The following FANCC variants were observed in gnomAD, a reference collection of about 807,000 sequenced individuals.
The protein encoded by FANCC is FA complementation group C.
A neutral mutation model predicts 71.3 loss-of-function variants in FANCC; 55 were observed. The observed-to-expected ratio is 0.77, with a 90% CI of 0.62 to 0.97. The LOEUF (loss-of-function observed/expected upper bound fraction) is 0.97. FANCC is among the 50% of genes least tolerant of loss of function. FANCC has a pLI of 0.00. For missense variants in FANCC, 678 were observed against 670.9 expected, an observed-to-expected ratio of 1.01 and a Z score of -0.12; for synonymous variants, 275 against 244.9, an observed-to-expected ratio of 1.12 and a Z score of -1.15.
At chr9:95,217,344 G>T (rs185562121) in intron 4 of FANCC, among the ~76,000 whole-genome samples, 8 of 151,962 alleles carry the variant, frequency 5.3e-5, no homozygotes, top group Non-Finnish European at 1.0e-4. Context: ...CATTAGCCGG[G>T]TGTGGTGGTG....
At chr9:95,145,262 G>A (rs1294831199) in intron 7 of FANCC, 1 of 152,162 alleles carries the variant, frequency 6.6e-6, no homozygotes, top group Non-Finnish European at 1.5e-5. Flanking sequence ...AGATGGAGGA[G>A]AAGATCCATT....
chr9:95,177,134 G>A (rs1357911069), intron 4 of FANCC, among the ~76,000 whole-genome samples: 2 of 152,188 alleles, frequency 1.3e-5, no homozygotes, highest in Admixed American at 1.3e-4. Flanking sequence ...ATCACAGAGT[G>A]TACTTACATG....
chr9:95,226,263 C>T (rs1197870641), intron 4 of FANCC, among the ~76,000 whole-genome samples: 3 of 152,194 alleles, frequency 2.0e-5, no homozygotes, highest in African/African-American at 7.2e-5. Context: ...GAAAAATACA[C>T]TTACAAAAGT....
intron 4 of FANCC, among the ~76,000 whole-genome samples, chr9:95,184,359 A>G (rs964324913): frequency 3.3e-5 from 5 of 152,104 alleles, no homozygotes; most frequent in African/African-American, 1.2e-4. Context: ...TTAAATTATC[A>G]CTTCCCCCTG....
At chr9:95,110,743 A>T in intron 13 of FANCC, 1 of 1,097,386 alleles carries the variant, frequency 9.1e-7, no homozygotes, top group Non-Finnish European at 1.1e-6. Flanking sequence ...ATCAGCATAG[A>T]GCACTGGCAG....
At chr9:95,233,672 C>T (rs1830138657) in intron 4 of FANCC, among the ~76,000 whole-genome samples, 1 of 152,074 alleles carries the variant, frequency 6.6e-6, no homozygotes, top group Admixed American at 6.5e-5. Context: ...TGAAGAGAAG[C>T]TGCATATACC....
chr9:95,251,504 C>T (rs1358161198), intron 1 of FANCC, among the ~76,000 whole-genome samples: 3 of 151,910 alleles, frequency 2.0e-5, no homozygotes, highest in Admixed American at 6.6e-5. Flanking sequence ...TTAGTAGAGA[C>T]GGGGTCTCAC....
At chr9:95,273,279 T>A (rs1278965705) in intron 1 of FANCC, among the ~76,000 whole-genome samples, 1 of 152,168 alleles carries the variant, frequency 6.6e-6, no homozygotes, top group East Asian at 1.9e-4. Flanking sequence ...CAACCTTGGT[T>A]TTCTATCTTT....
In FANCC at chr9:95,099,496, G is replaced by A. The variant is rs998480512; in HGVS notation, c.*2211C>T. ...CGGTGGCACCTGCCCAGGCTTTGCCGAAATCGAAGGCAACAAGAGGGGGAG... is the reference window on the plus strand; with the variant it reads ...CGGTGGCACCTGCCCAGGCTTTGCCAAAATCGAAGGCAACAAGAGGGGGAG... On this transcript the variant is annotated 3_prime_UTR_variant, in exon 15 of 15. Transcript: ENST00000289081. The A allele has an allele frequency of 9.2e-5, 21 of 228,214 alleles. 1 individual carries two copies. Among genetic ancestry groups the A allele is most frequent in the Admixed American group, 9.2e-4 (16 of 17,436 alleles). The allele number at this position is 228,214 out of a possible 1,614,324, so 14.1% of individuals were successfully genotyped here.
At chr9:95,160,478 T>C (rs990078141) in intron 6 of FANCC, among the ~76,000 whole-genome samples, 4 of 152,206 alleles carry the variant, frequency 2.6e-5, no homozygotes, top group African/African-American at 9.7e-5. Context: ...TCCAGCTTTG[T>C]TCTTTTTGCT....
At chr9:95,188,797 G>A (rs1401335907) in intron 4 of FANCC, among the ~76,000 whole-genome samples, 1 of 151,952 alleles carries the variant, frequency 6.6e-6, no homozygotes, top group Non-Finnish European at 1.5e-5. Flanking sequence ...TCCCTACCTG[G>A]ACTGACTCTT....
chr9:95,233,613 A>C (rs188298351), intron 4 of FANCC, among the ~76,000 whole-genome samples: 36 of 152,270 alleles, frequency 2.4e-4, no homozygotes, highest in African/African-American at 8.7e-4. Flanking sequence ...GGCCTTCATG[A>C]TATGTGGATG....
chr9:95,133,465 G>A (rs896622302), intron 8 of FANCC, among the ~76,000 whole-genome samples: 3 of 152,240 alleles, frequency 2.0e-5, no homozygotes, highest in South Asian at 2.1e-4. Context: ...TGTGTGACTC[G>A]TGGGAGATTA....
At chr9:95,150,133 A>C (rs1395827590) in intron 6 of FANCC, 46 bp from the exon 7 acceptor site, 2 of 1,604,972 alleles carry the variant, frequency 1.2e-6, no homozygotes. Flanking sequence ...AGAGCCATGC[A>C]TAATTAAGGA....
chr9:95,126,535 A>ATC lies in FANCC; in HGVS notation c.888_889dup (p.Met297ArgfsTer17). 4 of 1,614,022 alleles carry ATC rather than the reference A, an allele frequency of 2.5e-6. No individual in the cohort carries two copies. Among genetic ancestry groups the ATC allele is most frequent in the Non-Finnish European group, 3.4e-6 (4 of 1,179,904 alleles). On this transcript the variant is annotated frameshift_variant, in exon 9 of 15. Transcript: ENST00000289081. LOFTEE classifies it high-confidence loss of function. ...GAAACAGTGTAACGTTTACCTGAAC[A>ATC]TCTCATCAACAACCCGGAATATGGC...
intron 7 of FANCC, among the ~76,000 whole-genome samples, chr9:95,139,416 G>A (rs115390367): frequency 6.6e-6 from 1 of 152,144 alleles, no homozygotes. Flanking sequence ...TCATCGTACT[G>A]CTGTCAATTT....
chr9:95,282,791 C>T (rs71498697), intron 1 of FANCC, among the ~76,000 whole-genome samples: 59 of 152,080 alleles, frequency 3.9e-4, no homozygotes, highest in Admixed American at 1.2e-3. Flanking sequence ...ACCTTGAAAA[C>T]TTTACAAATA....
At chr9:95,171,829 G>A (rs1244543378) in intron 5 of FANCC, among the ~76,000 whole-genome samples, 1 of 152,164 alleles carries the variant, frequency 6.6e-6, no homozygotes, top group Non-Finnish European at 1.5e-5. Flanking sequence ...GTTGGTTTAG[G>A]AAAACCCTTC....
intron 1 of FANCC, among the ~76,000 whole-genome samples, chr9:95,303,671 A>ATC (rs767791617): frequency 1.3e-5 from 2 of 151,918 alleles, no homozygotes; most frequent in Admixed American, 1.3e-4. Context: ...GTGGGGAGAG[A>ATC]TCTCTCTCTC....
Sources: gnomAD v4.1 joint callset for allele counts (sites outside exome capture counted in the v4.1 genomes callset) on GRCh38, gnomAD v4.1.1 for gene constraint, MANE v1.5 for transcripts, NCBI Gene and HGNC (gene_info 2026-07-23, HGNC 2026-07-21) for gene names.